CCDC171: variants seen among roughly 807,000 people sequenced by gnomAD.
CCDC171 encodes coiled-coil domain containing 171, also known as coiled-coil domain-containing protein 171.
CCDC171 carries 177 observed loss-of-function variants against 168.2 expected under a neutral mutation model. The ratio of observed to expected loss-of-function variants is 1.05; its 90% CI spans 0.93 to 1.19. The LOEUF is 1.19. Ranked by LOEUF, CCDC171 falls within the 50% of genes most tolerant of loss-of-function variation. The probability of loss-of-function intolerance (pLI) is 0.00; values close to 1 mark genes in which losing one functional copy is unlikely to be tolerated. For synonymous variants in CCDC171, 687 were observed against 540.8 expected, an observed-to-expected ratio of 1.27 and a Z score of -3.75; for missense variants, 1,991 against 1,539.0, an observed-to-expected ratio of 1.29 and a Z score of -4.91.
intron 7 of CCDC171, among the ~76,000 whole-genome samples, chr9:15,640,145 G>C (rs1337187776): frequency 6.6e-6 from 1 of 152,102 alleles, no homozygotes; most frequent in Non-Finnish European, 1.5e-5. Context: ...ATAATCTTTT[G>C]TTTTTATGCA....
chr9:15,880,439 T>C (rs1818467730), intron 24 of CCDC171, among the ~76,000 whole-genome samples: 1 of 150,704 alleles, frequency 6.6e-6, no homozygotes, highest in African/African-American at 2.4e-5. Flanking sequence ...AACATATCTG[T>C]CACTTCCAAT....
intron 4 of CCDC171, among the ~76,000 whole-genome samples, chr9:15,586,267 T>C (rs574457536): frequency 9.2e-5 from 14 of 152,344 alleles, no homozygotes; most frequent in South Asian, 2.1e-4. Context: ...GTTGTAGATA[T>C]ATGGATGTTC....
downstream of CCDC171, among the ~76,000 whole-genome samples, chr9:16,065,809 G>GGTGTGCATGGTGTGTGTGTGTGT (rs373145926): frequency 1.4e-5 from 2 of 144,234 alleles, no homozygotes; most frequent in African/African-American, 5.2e-5. Flanking sequence ...TTGTGTGCAT[G>GGTGTGCATGGTGTGTGTGTGTGT]GTGTGTGTGT....
chr9:15,634,581 A>T (rs1422950379), intron 7 of CCDC171, among the ~76,000 whole-genome samples: 1 of 152,146 alleles, frequency 6.6e-6, no homozygotes, highest in Non-Finnish European at 1.5e-5. Context: ...TTGTTTGGCT[A>T]CTTGGGGTAA....
downstream of CCDC171, among the ~76,000 whole-genome samples, chr9:15,975,401 C>G (rs371376029): frequency 5.1e-4 from 78 of 152,232 alleles, 2 homozygotes; most frequent in East Asian, 0.013. Flanking sequence ...ATTGTCCTGA[C>G]CAGCTAGGAA....
At chr9:15,769,657 C>T (rs2056909710) in intron 18 of CCDC171, among the ~76,000 whole-genome samples, 1 of 152,198 alleles carries the variant, frequency 6.6e-6, no homozygotes, top group Non-Finnish European at 1.5e-5. Context: ...TGAGAGTCAT[C>T]ACTTACATGG....
intron 18 of CCDC171, among the ~76,000 whole-genome samples, chr9:15,746,387 T>C (rs1263984269): frequency 6.6e-6 from 1 of 152,244 alleles, no homozygotes; most frequent in Non-Finnish European, 1.5e-5. Flanking sequence ...TATCTAAACC[T>C]AGACTTTTGT....
Position 15,820,569 on chromosome 9 carries a change from A to C in CCDC171, c.3268-26133A>C, listed in dbSNP as rs2059730482. On this transcript the variant is annotated intron_variant, in intron 21 of 25. Transcript: ENST00000380701. ...AGACTGCTATAAACACCTCTATGCAAATAAACTAGAAAATCTAGAAGAAAT... is the reference window on the plus strand; with the variant it reads ...AGACTGCTATAAACACCTCTATGCACATAAACTAGAAAATCTAGAAGAAAT... 1.7e-5 allele frequency among the ~76,000 whole-genome samples: 2 copies of C among 118,130 alleles called. 1 individual carries two copies. Among genetic ancestry groups the C allele is most frequent in the Non-Finnish European group, 3.8e-5 (2 of 52,518 alleles). The allele number at this position is 118,130 out of a possible 152,430, so 77.5% of individuals were successfully genotyped here.
At position 15,899,055 on chromosome 9, in the gene CCDC171, A is replaced by G. The variant is rs1821291326; in HGVS notation, c.3601-21215A>G. On this transcript the variant is annotated intron_variant, in intron 24 of 25. Transcript: ENST00000380701. ...TTGTCATTTCAATAATGTAATATAAATGCAGTCATACAGAATGTGACTTTT... is the reference window on the plus strand; with the variant it reads ...TTGTCATTTCAATAATGTAATATAAGTGCAGTCATACAGAATGTGACTTTT... 2.0e-5 allele frequency among the ~76,000 whole-genome samples: 3 copies of G among 152,292 alleles called. No homozygotes were observed. The South Asian group carries it at 6.2e-4, about 32-fold the overall frequency.
chr9:15,897,155 G>A (rs117703845), intron 24 of CCDC171, among the ~76,000 whole-genome samples: 75 of 152,048 alleles, frequency 4.9e-4, no homozygotes, highest in African/African-American at 1.8e-3. Context: ...GGATATCACT[G>A]TCTTGGTATT....
intron 6 of CCDC171, among the ~76,000 whole-genome samples, chr9:15,622,895 A>G (rs1217530663): frequency 6.6e-6 from 1 of 152,220 alleles, no homozygotes. Flanking sequence ...ATCATTTCTT[A>G]TTATAAAAAG....
chr9:15,909,169 T>C (rs1823229063), intron 24 of CCDC171, among the ~76,000 whole-genome samples: 3 of 152,230 alleles, frequency 2.0e-5, no homozygotes, highest in African/African-American at 7.2e-5. Flanking sequence ...GTTTTAGGGC[T>C]ATTAATAAAG....
chr9:15,636,850 C>T (rs971704650), intron 7 of CCDC171, among the ~76,000 whole-genome samples: 2 of 150,654 alleles, frequency 1.3e-5, no homozygotes, highest in Non-Finnish European at 3.0e-5. Context: ...CTAGAAAACT[C>T]TATCATCACT....
At chr9:15,607,071 T>C (rs2043281312) in intron 6 of CCDC171, among the ~76,000 whole-genome samples, 1 of 152,166 alleles carries the variant, frequency 6.6e-6, no homozygotes, top group Non-Finnish European at 1.5e-5. Context: ...GAGTGTTACA[T>C]TGCATCTCAG....
chr9:15,805,999 G>A (rs562251268), intron 21 of CCDC171, among the ~76,000 whole-genome samples: 11 of 151,534 alleles, frequency 7.3e-5, no homozygotes, highest in African/African-American at 2.7e-4. Context: ...GTCTTTCTTT[G>A]TCTTTTTTGA....
chr9:16,029,921 A>AGTAGTATAAAAGTTT (rs1254083500), intron 6 of CCDC171, among the ~76,000 whole-genome samples: 11 of 152,258 alleles, frequency 7.2e-5, no homozygotes, highest in African/African-American at 2.4e-4. Context: ...TATAAACTGG[A>AGTAGTATAAAAGTTT]ATTTATTTCC....
chr9:15,649,949 C>T (rs1398134296), intron 7 of CCDC171, among the ~76,000 whole-genome samples: 7 of 152,104 alleles, frequency 4.6e-5, no homozygotes, highest in South Asian at 2.1e-4. Flanking sequence ...CACAGGCACA[C>T]GTATGTTTAT....
At chr9:15,678,709 T>C in intron 9 of CCDC171, 49 bp from the exon 10 acceptor site, 1 of 1,493,222 alleles carries the variant, frequency 6.7e-7, no homozygotes, top group Non-Finnish European at 9.0e-7. Context: ...GTAATATCAG[T>C]TGATGTAAGC....
intron 8 of CCDC171, among the ~76,000 whole-genome samples, chr9:15,664,249 CTTAA>C (rs1239945636): frequency 6.6e-6 from 1 of 151,836 alleles, no homozygotes; most frequent in East Asian, 1.9e-4. Flanking sequence ...ACTTTTACAC[CTTAA>C]TTTATTTATT....
Sources: gnomAD v4.1 joint callset for allele counts (sites outside exome capture counted in the v4.1 genomes callset) on GRCh38, gnomAD v4.1.1 for gene constraint, MANE v1.5 for transcripts, NCBI Gene and HGNC (gene_info 2026-07-23, HGNC 2026-07-21) for gene names.